PDXDC1: variants seen among roughly 807,000 people sequenced by gnomAD.
PDXDC1 encodes the protein pyridoxal-dependent decarboxylase domain-containing protein 1.
PDXDC1 carries 42 observed loss-of-function variants against 100.1 expected under a neutral mutation model. That is an observed-to-expected ratio of 0.42 (90% CI 0.33 to 0.54). The LOEUF is 0.54. Ranked by LOEUF, PDXDC1 falls within the 20% of genes least tolerant of loss-of-function variation. The probability of loss-of-function intolerance (pLI) is 0.10; values close to 1 mark genes in which losing one functional copy is unlikely to be tolerated. For missense variants in PDXDC1, 636 were observed against 979.2 expected (o/e 0.65, Z 4.68); for synonymous variants, 260 against 371.7 (o/e 0.70, Z 3.46).
intron 16 of PDXDC1, among the ~76,000 whole-genome samples, chr16:15,089,029 G>A (rs1044552773): frequency 1.3e-5 from 2 of 152,164 alleles, no homozygotes; most frequent in Non-Finnish European, 2.9e-5. Context: ...TAGGCCGGGT[G>A]GAGTGGCTCA....
At chr16:15,021,656 T>G (rs1335535005) in intron 12 of PDXDC1, among the ~76,000 whole-genome samples, 3 of 152,290 alleles carry the variant, frequency 2.0e-5, no homozygotes, top group Admixed American at 6.5e-5. Flanking sequence ...AACCGTATAC[T>G]CCTGAGGATT....
intron 1 of PDXDC1, among the ~76,000 whole-genome samples, chr16:14,984,798 A>G (rs1186557969): frequency 2.0e-5 from 3 of 152,206 alleles, no homozygotes; most frequent in South Asian, 4.1e-4. Context: ...AGCCAAATGT[A>G]TAATTTTTTA....
chr16:15,144,488 G>T, the PDXDC1 span, among the ~76,000 whole-genome samples: 1 of 152,118 alleles, frequency 6.6e-6, no homozygotes, highest in Admixed American at 6.5e-5. Flanking sequence ...CTGGCCCCAC[G>T]AGGGGTGGGG....
At chr16:14,981,424 G>T (rs1273929682) in intron 1 of PDXDC1, among the ~76,000 whole-genome samples, 1 of 152,290 alleles carries the variant, frequency 6.6e-6, no homozygotes, top group Non-Finnish European at 1.5e-5. Flanking sequence ...AGTTAAACTA[G>T]TTAAACACTG....
chr16:15,094,129 G>T, intron 16 of PDXDC1: 1 of 1,584,706 alleles, frequency 6.3e-7, no homozygotes, highest in Non-Finnish European at 8.6e-7. Flanking sequence ...GCAGAAGGAA[G>T]CGGCCTGAAT....
intron 1 of PDXDC1, among the ~76,000 whole-genome samples, chr16:14,984,231 C>G (rs947726108): frequency 5.3e-5 from 8 of 151,392 alleles, no homozygotes; most frequent in African/African-American, 1.5e-4. Flanking sequence ...GAAAATGTCC[C>G]TATGTCCCTT....
chr16:15,036,067 C>A lies in PDXDC1; in HGVS notation c.2159C>A (p.Thr720Asn). The A allele has an allele frequency of 1.2e-6, 2 of 1,614,032 alleles. No individual in the cohort carries two copies. Among genetic ancestry groups the A allele is most frequent in the Non-Finnish European group, 1.7e-6 (2 of 1,179,920 alleles). ...CGAGGTTCAGATGCTTTGAGTGAGA[C>A]CAGCTCAGTCAGTCACATTGAAGAC... Reference protein sequence around the residue: ...SLRGSDALSETSSVSHIEDLE... With the variant: ...SLRGSDALSENSSVSHIEDLE... Residue 720 changes from threonine to asparagine, a missense_variant, in exon 23 of 23, where the codon ACC becomes AAC. This residue lies in a region of PDXDC1 where 452 missense variants were observed against 402.9 expected (regional missense o/e 1.12). Transcript: ENST00000396410.
intron 21 of PDXDC1, among the ~76,000 whole-genome samples, chr16:15,034,974 C>A (rs1271827145): frequency 1.3e-5 from 2 of 152,172 alleles, no homozygotes; most frequent in East Asian, 3.9e-4. Flanking sequence ...TTGAACCAGG[C>A]AGCCAGCAAG....
At chr16:15,080,384 TAA>T (rs2045648620) in intron 16 of PDXDC1, among the ~76,000 whole-genome samples, 1 of 152,244 alleles carries the variant, frequency 6.6e-6, no homozygotes, top group African/African-American at 2.4e-5. Flanking sequence ...GTATACAATT[TAA>T]GTTTTTAATA....
intron 16 of PDXDC1, chr16:15,136,001 C>A (rs1480484636): frequency 1.9e-6 from 3 of 1,548,060 alleles, no homozygotes; most frequent in Middle Eastern, 2.3e-4. Context: ...ATGCAGTGCT[C>A]GGCTGTGGCT....
chr16:15,131,632 C>T lies in PDXDC1; in HGVS notation c.1400-7247C>T, dbSNP rs1251047804. 5.5e-5 allele frequency: 88 copies of T among 1,588,776 alleles called. No homozygotes were observed. The African/African-American group carries it at 8.6e-4, about 15-fold the overall frequency. ...GTTGTAGGCCTGGGACGCCACCATCCGCGATGGTGACTCGGCTCCCAGCTC... is the reference window on the plus strand; with the variant it reads ...GTTGTAGGCCTGGGACGCCACCATCTGCGATGGTGACTCGGCTCCCAGCTC... On this transcript the variant is annotated intron_variant, in intron 16 of 16. Coordinates refer to the PDXDC1 transcript ENST00000535621.
intron 13 of PDXDC1, 57 bp downstream of exon 13, chr16:15,022,811 C>T (rs1470188640): frequency 7.5e-7 from 1 of 1,335,060 alleles, no homozygotes; most frequent in Non-Finnish European, 1.0e-6. Flanking sequence ...ACCTCAGCAA[C>T]TTTGAATGAT....
the PDXDC1 span, among the ~76,000 whole-genome samples, chr16:15,148,057 C>A: frequency 6.6e-6 from 1 of 151,646 alleles, no homozygotes; most frequent in South Asian, 2.1e-4. Flanking sequence ...GGCACCATCA[C>A]AGCTAACTGC....
At chr16:15,122,095 C>T (rs1269080187) in intron 16 of PDXDC1, among the ~76,000 whole-genome samples, 6 of 151,396 alleles carry the variant, frequency 4.0e-5, no homozygotes, top group Admixed American at 6.6e-5. Flanking sequence ...ACCCCGGAAG[C>T]GGAGGTTGCA....
rs969859059 is a variant in PDXDC1, at chr16:15,058,497, C to T, written c.1399+28441C>T. Among the ~76,000 whole-genome samples, 17 of 152,086 alleles carry T rather than the reference C, an allele frequency of 1.1e-4. 1 individual carries two copies. The highest frequency in any genetic ancestry group is 9.8e-4 in the Admixed American group (15 of 15,264). The stretch of plus-strand genomic sequence containing the variant: ...ATCCCAGCACTTTGGGAGGCCGAGG[C>T]GGACAGATTGCTTGAGGTTAGGAGT... On this transcript the variant is annotated intron_variant, in intron 16 of 16. Coordinates refer to the PDXDC1 transcript ENST00000535621.
At chr16:14,981,702 G>A (rs921795036) in intron 1 of PDXDC1, among the ~76,000 whole-genome samples, 13 of 152,084 alleles carry the variant, frequency 8.5e-5, no homozygotes, top group Admixed American at 7.2e-4. Flanking sequence ...CATCTCCAAC[G>A]TATATCTGAG....
chr16:15,129,798 T>C (rs1264704870), intron 16 of PDXDC1: 2 of 721,592 alleles, frequency 2.8e-6, no homozygotes, highest in East Asian at 2.7e-5. Flanking sequence ...TTCTGACGTC[T>C]GCGATGAGAC....
intron 16 of PDXDC1, chr16:15,130,287 C>G: frequency 6.5e-7 from 1 of 1,533,682 alleles, no homozygotes; most frequent in South Asian, 1.2e-5. Flanking sequence ...GACGGCCTGG[C>G]GGGGCGAGGT....
At chr16:15,150,273 G>A in the PDXDC1 span, among the ~76,000 whole-genome samples, 3 of 151,778 alleles carry the variant, frequency 2.0e-5, no homozygotes, top group Non-Finnish European at 2.9e-5. Flanking sequence ...CCCAGGCGGC[G>A]GAGCTTGCAG....
Sources: gnomAD v4.1 joint callset for allele counts (sites outside exome capture counted in the v4.1 genomes callset) on GRCh38, gnomAD v4.1.1 for gene constraint, gnomAD v4.1.1 regional missense constraint, MANE v1.5 for transcripts, NCBI Gene and HGNC (gene_info 2026-07-23, HGNC 2026-07-21) for gene names.